IPCEF1: variants seen among roughly 807,000 people sequenced by gnomAD.
IPCEF1 encodes interactor protein for cytohesin exchange factors 1.
In IPCEF1, 31 loss-of-function variants were observed where a neutral mutation model predicts 50.9. The ratio of observed to expected loss-of-function variants is 0.61; its 90% CI spans 0.46 to 0.82. The LOEUF is 0.82. Among genes scored for constraint, IPCEF1 ranks in the 40% least tolerant of loss-of-function variants. The probability of loss-of-function intolerance (pLI) is 0.00; values close to 1 mark genes in which losing one functional copy is unlikely to be tolerated. For synonymous variants in IPCEF1, 181 were observed against 192.0 expected, an observed-to-expected ratio of 0.94 and a Z score of 0.47; for missense variants, 458 against 514.0, an observed-to-expected ratio of 0.89 and a Z score of 1.05.
chr6:154,280,016 C>T (rs1248306701), intron 2 of IPCEF1, among the ~76,000 whole-genome samples: 2 of 152,162 alleles, frequency 1.3e-5, no homozygotes, highest in Non-Finnish European at 2.9e-5. Context: ...CATAATTAAA[C>T]AGCCACCAAA....
chr6:154,224,219 T>G (rs745773567), intron 5 of IPCEF1, among the ~76,000 whole-genome samples: 10 of 152,244 alleles, frequency 6.6e-5, no homozygotes, highest in Non-Finnish European at 1.5e-4. Flanking sequence ...CAGCTAGCTA[T>G]TAAGTTAGTG....
intron 3 of IPCEF1, among the ~76,000 whole-genome samples, chr6:154,264,617 A>G (rs9322456): frequency 0.95 from 144,741 of 152,146 alleles, 68,887 homozygotes; most frequent in East Asian, 1. Context: ...CAAGTGATCC[A>G]CCCACCTCGG....
intron 1 of IPCEF1, among the ~76,000 whole-genome samples, chr6:154,333,593 C>T (rs1273921174): frequency 1.3e-5 from 2 of 150,554 alleles, no homozygotes; most frequent in African/African-American, 2.4e-5. Context: ...TATATATACA[C>T]ATATATATGT....
chr6:154,324,974 G>A (rs1356999210), intron 1 of IPCEF1, among the ~76,000 whole-genome samples: 1 of 152,064 alleles, frequency 6.6e-6, no homozygotes, highest in African/African-American at 2.4e-5. Flanking sequence ...ATGACAATGA[G>A]TTCATGTCTT....
chr6:154,183,062 C>T (rs1583730766), intron 10 of IPCEF1, among the ~76,000 whole-genome samples: 1 of 152,134 alleles, frequency 6.6e-6, no homozygotes, highest in Non-Finnish European at 1.5e-5. Context: ...TCACTGCAAC[C>T]TCTGCCTCCC....
chr6:154,322,042 T>C (rs1783395757), intron 1 of IPCEF1, among the ~76,000 whole-genome samples: 1 of 152,052 alleles, frequency 6.6e-6, no homozygotes. Context: ...AGCTTAACAT[T>C]TGAAATTCAA....
chr6:154,259,798 T>A (rs764195476), intron 3 of IPCEF1, among the ~76,000 whole-genome samples: 1 of 152,122 alleles, frequency 6.6e-6, no homozygotes, highest in African/African-American at 2.4e-5. Flanking sequence ...AGAGCTCTCA[T>A]GCCCTTCCCA....
At chr6:154,343,798 C>G (rs1189598955) in intron 1 of IPCEF1, among the ~76,000 whole-genome samples, 2 of 152,274 alleles carry the variant, frequency 1.3e-5, no homozygotes, top group East Asian at 1.9e-4. Flanking sequence ...CAGGAAAGCC[C>G]GGCTCTTAGA....
At chr6:154,339,241 A>G (rs1783852747) in intron 1 of IPCEF1, among the ~76,000 whole-genome samples, 1 of 152,140 alleles carries the variant, frequency 6.6e-6, no homozygotes, top group Non-Finnish European at 1.5e-5. Context: ...ATTTTGACCA[A>G]TATAATTACA....
intron 2 of IPCEF1, 131 bp downstream of exon 2, chr6:154,289,582 T>G (rs1295874030): frequency 5.9e-5 from 9 of 151,984 alleles, no homozygotes; most frequent in Admixed American, 5.2e-4. Flanking sequence ...AATCCTAGAC[T>G]AGGGATAAAC....
intron 3 of IPCEF1, among the ~76,000 whole-genome samples, chr6:154,254,556 G>T (rs980530968): frequency 6.6e-6 from 1 of 152,118 alleles, no homozygotes; most frequent in African/African-American, 2.4e-5. Context: ...ATTACAATTT[G>T]GATTACAATT....
intron 10 of IPCEF1, among the ~76,000 whole-genome samples, chr6:154,177,596 C>T (rs1645727047): frequency 6.6e-6 from 1 of 152,214 alleles, no homozygotes; most frequent in Admixed American, 6.5e-5. Flanking sequence ...GAGATACCAT[C>T]TCACGCCAGT....
chr6:154,319,626 C>T (rs762547980), intron 1 of IPCEF1, among the ~76,000 whole-genome samples: 1 of 152,178 alleles, frequency 6.6e-6, no homozygotes. Flanking sequence ...TGTGTCATGT[C>T]TTATTTTTAT....
intron 1 of IPCEF1, among the ~76,000 whole-genome samples, chr6:154,351,280 T>C (rs1784115111): frequency 6.6e-6 from 1 of 152,238 alleles, no homozygotes; most frequent in African/African-American, 2.4e-5. Flanking sequence ...ATGAGGGATC[T>C]TTGTGGTGAC....
At chr6:154,210,644 C>T (rs918469649) in intron 9 of IPCEF1, among the ~76,000 whole-genome samples, 29 of 152,128 alleles carry the variant, frequency 1.9e-4, no homozygotes, top group African/African-American at 5.3e-4. Flanking sequence ...AAAATAAAAG[C>T]TTTTTCTAAA....
At chr6:154,173,406 G>A (rs1328071210) in intron 10 of IPCEF1, among the ~76,000 whole-genome samples, 2 of 151,990 alleles carry the variant, frequency 1.3e-5, no homozygotes, top group Non-Finnish European at 2.9e-5. Context: ...CCATTGCAAG[G>A]ATGCTAAAAA....
chr6:154,191,724 AATGT>A (rs1801907688), intron 10 of IPCEF1, among the ~76,000 whole-genome samples: 5 of 152,212 alleles, frequency 3.3e-5, no homozygotes, highest in Admixed American at 6.5e-5. Context: ...AGTGAACCCT[AATGT>A]AAACCATAGA....
At chr6:154,276,075 C>T (rs1267389769) in intron 2 of IPCEF1, among the ~76,000 whole-genome samples, 7 of 151,678 alleles carry the variant, frequency 4.6e-5, no homozygotes, top group Non-Finnish European at 8.8e-5. Context: ...TCCCAGCTAC[C>T]CGGGAGGCTG....
intron 2 of IPCEF1, among the ~76,000 whole-genome samples, chr6:154,278,722 AAT>A (rs145576400): frequency 6.6e-5 from 10 of 151,296 alleles, no homozygotes; most frequent in South Asian, 6.2e-4. Flanking sequence ...CAATGGTAAA[AAT>A]ATATATATAT....
Sources: gnomAD v4.1 joint callset for allele counts (sites outside exome capture counted in the v4.1 genomes callset) on GRCh38, gnomAD v4.1.1 for gene constraint, MANE v1.5 for transcripts, NCBI Gene and HGNC (gene_info 2026-07-23, HGNC 2026-07-21) for gene names.